GMDS: variants seen among roughly 807,000 people sequenced by gnomAD.
GMDS encodes the protein GDP-mannose 4,6 dehydratase.
A neutral mutation model predicts 49.9 loss-of-function variants in GMDS; 20 were observed. The observed-to-expected ratio is 0.40, with a 90% CI of 0.28 to 0.58. The LOEUF is 0.58. Ranked by LOEUF, GMDS falls within the 20% of genes least tolerant of loss-of-function variation. GMDS has a pLI of 0.42. For missense variants in GMDS, 362 were observed against 481.4 expected, an observed-to-expected ratio of 0.75 and a Z score of 2.32; for synonymous variants, 177 against 178.6, an observed-to-expected ratio of 0.99 and a Z score of 0.07.
intron 1 of GMDS, among the ~76,000 whole-genome samples, chr6:2,202,971 C>G (rs1332528899): frequency 6.6e-6 from 1 of 152,136 alleles, no homozygotes; most frequent in Non-Finnish European, 1.5e-5. Flanking sequence ...CTGTGCACCC[C>G]CTTTGGCCAG....
intron 7 of GMDS, among the ~76,000 whole-genome samples, chr6:1,791,499 A>C (rs976123834): frequency 6.6e-6 from 1 of 152,130 alleles, no homozygotes; most frequent in Non-Finnish European, 1.5e-5. Context: ...TGGCCTCTTG[A>C]ACTCATCTAA....
chr6:1,660,348 A>G (rs1288287820), intron 9 of GMDS, among the ~76,000 whole-genome samples: 1 of 152,112 alleles, frequency 6.6e-6, no homozygotes, highest in Non-Finnish European at 1.5e-5. Flanking sequence ...TTTTCACACA[A>G]ATCTTGAAGA....
chr6:2,238,405 C>T (rs71552111), intron 1 of GMDS, among the ~76,000 whole-genome samples: 5,296 of 152,160 alleles, frequency 0.035, 130 homozygotes, highest in South Asian at 0.1. Flanking sequence ...AACTGATTTT[C>T]CTTCCCAGTG....
intron 7 of GMDS, among the ~76,000 whole-genome samples, chr6:1,847,160 ATCC>A (rs1446343224): frequency 6.6e-6 from 1 of 151,876 alleles, no homozygotes; most frequent in Non-Finnish European, 1.5e-5. Context: ...GGGCTCAAGT[ATCC>A]TCCTGCCTAA....
intron 7 of GMDS, among the ~76,000 whole-genome samples, chr6:1,817,415 G>A (rs1049056145): frequency 6.6e-6 from 1 of 152,066 alleles, no homozygotes; most frequent in African/African-American, 2.4e-5. Context: ...GACTGCCAAG[G>A]TTCTGAAATT....
At chr6:2,073,743 A>G (rs1291265367) in intron 4 of GMDS, among the ~76,000 whole-genome samples, 2 of 152,162 alleles carry the variant, frequency 1.3e-5, no homozygotes, top group Admixed American at 6.5e-5. Flanking sequence ...TAGCTCACAC[A>G]TATCAGTGAC....
chr6:2,114,871 T>TG (rs1478693716), intron 4 of GMDS, among the ~76,000 whole-genome samples: 2 of 152,096 alleles, frequency 1.3e-5, no homozygotes, highest in Non-Finnish European at 2.9e-5. Context: ...TATGCAAACA[T>TG]GGGGATACAG....
chr6:2,230,126 C>T (rs1237528107), intron 1 of GMDS, among the ~76,000 whole-genome samples: 1 of 152,204 alleles, frequency 6.6e-6, no homozygotes, highest in Non-Finnish European at 1.5e-5. Context: ...TTGACTTCCT[C>T]CTCAGAGTCC....
intron 7 of GMDS, among the ~76,000 whole-genome samples, chr6:1,856,500 C>A (rs77646742): frequency 1.3e-5 from 2 of 152,334 alleles, no homozygotes; most frequent in African/African-American, 2.4e-5. Context: ...TGAGAGCTAA[C>A]GTATTTGCCC....
At chr6:2,034,888 C>T (rs1170683459) in intron 4 of GMDS, among the ~76,000 whole-genome samples, 2 of 152,140 alleles carry the variant, frequency 1.3e-5, no homozygotes, top group Admixed American at 6.5e-5. Flanking sequence ...GGAAGGTAGG[C>T]ATCATTCCCA....
At chr6:2,152,615 A>G (rs1035870405) in intron 1 of GMDS, among the ~76,000 whole-genome samples, 8 of 152,136 alleles carry the variant, frequency 5.3e-5, no homozygotes, top group Non-Finnish European at 1.2e-4. Flanking sequence ...ATATTTTTAA[A>G]TATTGGAAGA....
chr6:2,189,497 A>G (rs1275668465), intron 1 of GMDS, among the ~76,000 whole-genome samples: 2 of 152,160 alleles, frequency 1.3e-5, no homozygotes, highest in East Asian at 1.9e-4. Flanking sequence ...TCCTCCCCCA[A>G]AAGTCCCACC....
At chr6:2,004,116 T>C (rs192443187) in intron 4 of GMDS, among the ~76,000 whole-genome samples, 53 of 152,292 alleles carry the variant, frequency 3.5e-4, no homozygotes, top group African/African-American at 1.2e-3. Flanking sequence ...TGGACATATA[T>C]CTCTACATTT....
intron 4 of GMDS, among the ~76,000 whole-genome samples, chr6:2,000,273 G>C (rs918840874): frequency 1.4e-4 from 21 of 150,612 alleles, no homozygotes; most frequent in African/African-American, 5.1e-4. Flanking sequence ...CTGACCTTGT[G>C]ATCCACCCGC....
chr6:1,894,055 T>C (rs1760026019), intron 7 of GMDS, among the ~76,000 whole-genome samples: 1 of 152,194 alleles, frequency 6.6e-6, no homozygotes, highest in Non-Finnish European at 1.5e-5. Flanking sequence ...TCACCGGAAC[T>C]GATGAAAATA....
Position 1,886,528 on chromosome 6 carries a change from A to T in GMDS, c.771+43575T>A, listed in dbSNP as rs144824673. On this transcript the variant is annotated intron_variant, in intron 7 of 10. Transcript: ENST00000380815. ...AAAATAGACTACTAGAATTACTAATAGCATTCTCAATAAAAAATAGACTGT... is the reference window on the plus strand; with the variant it reads ...AAAATAGACTACTAGAATTACTAATTGCATTCTCAATAAAAAATAGACTGT... Among the ~76,000 whole-genome samples, 6 of 152,348 alleles carry T rather than the reference A, an allele frequency of 3.9e-5. No homozygotes were observed. In the East Asian group the frequency reaches 1.2e-3, roughly 29 times the overall value.
chr6:1,813,820 C>A (rs1770547931), intron 7 of GMDS, among the ~76,000 whole-genome samples: 2 of 152,096 alleles, frequency 1.3e-5, no homozygotes, highest in Admixed American at 6.6e-5. Flanking sequence ...AATTATCCAT[C>A]TTATTGTCTT....
At chr6:2,017,311 T>A (rs1045182437) in intron 4 of GMDS, among the ~76,000 whole-genome samples, 7 of 148,206 alleles carry the variant, frequency 4.7e-5, no homozygotes, top group African/African-American at 1.8e-4. Flanking sequence ...TTCTTTTTAT[T>A]TTTTTTTTTC....
chr6:1,656,599 TAA>T (rs1026260369), intron 9 of GMDS, among the ~76,000 whole-genome samples: 1 of 151,640 alleles, frequency 6.6e-6, no homozygotes, highest in Non-Finnish European at 1.5e-5. Context: ...CCGTCTCTAC[TAA>T]AAAAATACAA....
Sources: gnomAD v4.1 joint callset for allele counts (sites outside exome capture counted in the v4.1 genomes callset) on GRCh38, gnomAD v4.1.1 for gene constraint, MANE v1.5 for transcripts, NCBI Gene and HGNC (gene_info 2026-07-23, HGNC 2026-07-21) for gene names.